Variants in MACF1 observed in about 807,000 individuals in gnomAD.
The protein encoded by MACF1 is microtubule-actin cross-linking factor 1.
In MACF1, 193 loss-of-function variants were observed where a neutral mutation model predicts 854.8. That is an observed-to-expected ratio of 0.23 (90% CI 0.20 to 0.25). MACF1 has a LOEUF of 0.25. Among genes scored for constraint, MACF1 ranks in the 10% least tolerant of loss-of-function variants. The pLI is 1.00. For missense variants in MACF1, 7,722 were observed against 8,929.1 expected (o/e 0.86, Z 5.45); for synonymous variants, 3,185 against 3,226.7 (o/e 0.99, Z 0.44).
At chr1:39,137,224 C>T (rs1452964642) in intron 2 of MACF1, among the ~76,000 whole-genome samples, 1 of 152,172 alleles carries the variant, frequency 6.6e-6, no homozygotes, top group African/African-American at 2.4e-5. Context: ...TGTACACCAC[C>T]ACGCCTGGCT....
At chr1:39,442,360 G>T (rs780443381) in intron 76 of MACF1, 40 bp downstream of exon 76, 1 of 1,604,232 alleles carries the variant, frequency 6.2e-7, no homozygotes, top group Non-Finnish European at 8.5e-7. Flanking sequence ...ACTACTCTCC[G>T]CTCTTTTCTA....
intron 2 of MACF1, among the ~76,000 whole-genome samples, chr1:39,124,637 G>T (rs926287106): frequency 7.9e-5 from 12 of 152,088 alleles, no homozygotes; most frequent in African/African-American, 2.4e-4. Flanking sequence ...GTTTTATAAA[G>T]CTGTATTGTG....
chr1:39,360,015 ATATATATATATATATATATAT>A (rs1648000653), intron 47 of MACF1, among the ~76,000 whole-genome samples: 9 of 31,972 alleles, frequency 2.8e-4, no homozygotes, highest in Non-Finnish European at 3.2e-4. Context: ...AAAAAAAAAT[ATATATATATATATATATATAT>A]ATATATATAT....
chr1:39,411,399 C>G (rs772239924), intron 58 of MACF1: 2 of 1,614,018 alleles, frequency 1.2e-6, no homozygotes, highest in South Asian at 1.1e-5. Context: ...GATCCGATTG[C>G]TTAGCTGCTG....
At chr1:39,162,155 T>C (rs1034770598) in intron 2 of MACF1, among the ~76,000 whole-genome samples, 10 of 151,916 alleles carry the variant, frequency 6.6e-5, no homozygotes, top group Admixed American at 6.6e-4. Flanking sequence ...CATGAGCCAC[T>C]GTGCCTGGCT....
Position 39,300,196 on chromosome 1 carries a change from T to G in MACF1, c.2482-14T>G. 6.2e-7 allele frequency: 1 copy of G among 1,610,744 alleles called. No homozygotes were observed. The highest frequency in any genetic ancestry group is 8.5e-7 in the Non-Finnish European group (1 of 1,178,906). ...CAGCATTAATGTCATTTTGTTTTTCTTATCATTTTGTAGGATGAAAAGGAG... is the reference window on the plus strand; with the variant it reads ...CAGCATTAATGTCATTTTGTTTTTCGTATCATTTTGTAGGATGAAAAGGAG... On this transcript the variant is annotated splice_polypyrimidine_tract_variant and intron_variant, in intron 21 of 100. Transcript: ENST00000564288.
At position 39,484,639 on chromosome 1, in the gene MACF1, A is replaced by G. The variant is rs1478081821; in HGVS notation, c.22320A>G (p.Thr7440=). The change falls in exon 100 of 101, where the codon ACA becomes ACG. Residue 7440 remains threonine (T), a synonymous_variant. Transcript: ENST00000564288. The stretch of plus-strand genomic sequence containing the variant: ...CAGGTAGCAAGTTGAAACGACCAAC[A>G]CCAACTTTTCATTCTAGTCGGACAT... The part of the protein sequence containing the change: ...PSSGSKLKRP[T]PTFHSSRTSL... 2 of 1,613,880 alleles carry G rather than the reference A, an allele frequency of 1.2e-6. No homozygotes were observed. Among genetic ancestry groups the G allele is most frequent in the Non-Finnish European group, 1.7e-6 (2 of 1,179,938 alleles).
At chr1:39,151,697 G>A (rs537235157) in intron 2 of MACF1, among the ~76,000 whole-genome samples, 6 of 152,198 alleles carry the variant, frequency 3.9e-5, no homozygotes, top group Non-Finnish European at 5.9e-5. Flanking sequence ...TAGGCCACTA[G>A]GCTTCCTTTT....
chr1:39,357,968 C>T, intron 45 of MACF1, 75 bp downstream of exon 45: 2 of 1,445,962 alleles, frequency 1.4e-6, no homozygotes, highest in South Asian at 1.4e-5. Flanking sequence ...GTGTCTGGGG[C>T]TCAGAATAAG....
intron 58 of MACF1, among the ~76,000 whole-genome samples, chr1:39,419,009 A>G (rs1211012083): frequency 6.6e-6 from 1 of 152,216 alleles, no homozygotes; most frequent in East Asian, 1.9e-4. Flanking sequence ...AGTACTGCTT[A>G]GTTAATAACA....
At chr1:39,348,220 A>G (rs1274761250) in intron 41 of MACF1, among the ~76,000 whole-genome samples, 1 of 152,168 alleles carries the variant, frequency 6.6e-6, no homozygotes, top group Admixed American at 6.5e-5. Context: ...ACCTTTGAAA[A>G]CTGAGCATGT....
At chr1:39,098,550 C>T (rs905167819) in intron 2 of MACF1, among the ~76,000 whole-genome samples, 1 of 152,234 alleles carries the variant, frequency 6.6e-6, no homozygotes, top group Admixed American at 6.5e-5. Flanking sequence ...AGGCCTTCCA[C>T]GCCCCTTTGG....
chr1:39,264,108 T>C (rs1330677505), intron 6 of MACF1, among the ~76,000 whole-genome samples: 1 of 152,164 alleles, frequency 6.6e-6, no homozygotes, highest in Non-Finnish European at 1.5e-5. Flanking sequence ...ATGTAAGTGG[T>C]GACCCCTGCA....
intron 97 of MACF1, among the ~76,000 whole-genome samples, chr1:39,476,396 C>T (rs1242370059): frequency 6.6e-6 from 1 of 151,978 alleles, no homozygotes; most frequent in Non-Finnish European, 1.5e-5. Flanking sequence ...TGGTGAAACC[C>T]CATCTCTACT....
rs1383928132 is a variant in MACF1 at position 39,335,822 on chromosome 1, T to G, written c.9234T>G (p.Ser3078Arg). The G allele has an allele frequency of 3.1e-6, 5 of 1,613,994 alleles. No homozygotes were observed. The highest frequency in any genetic ancestry group is 4.2e-6 in the Non-Finnish European group (5 of 1,180,016). The change falls in exon 37 of 101, where the codon AGT (serine) becomes AGG (arginine). Residue 3078 changes from serine to arginine, a missense_variant. Physicochemically the swap from Ser to Arg is moderately radical, Grantham distance 110 (BLOSUM62 -1). This residue lies in a region of MACF1 where 854 missense variants were observed against 852.6 expected (regional missense o/e 1.00). Transcript: ENST00000564288. ...QANEGKVNNL[S>R]LCLTLKPEEN... is the part of the protein sequence containing the mutation. ...ATGAAGGAAAAGTAAACAATTTAAGTCTCTGCTTGACTTTAAAACCAGAAG... is the reference window on the plus strand; with the variant it reads ...ATGAAGGAAAAGTAAACAATTTAAGGCTCTGCTTGACTTTAAAACCAGAAG...
chr1:39,254,995 G>C (rs1645081526), intron 5 of MACF1, among the ~76,000 whole-genome samples: 1 of 151,830 alleles, frequency 6.6e-6, no homozygotes. Flanking sequence ...ATGAGGAGGA[G>C]TATTGGTAGT....
chr1:39,326,707 A>C (rs1646621788), intron 35 of MACF1, among the ~76,000 whole-genome samples: 1 of 151,308 alleles, frequency 6.6e-6, no homozygotes, highest in Non-Finnish European at 1.5e-5. Context: ...AAAAAGAGAG[A>C]AGAAAAAGAA....
chr1:39,249,555 A>G lies in MACF1; in HGVS notation c.172-459A>G, dbSNP rs373101413. On this transcript the variant is annotated intron_variant, in intron 2 of 100. Coordinates refer to ENST00000564288, the MANE Select transcript of MACF1 (RefSeq NM_001394062.1). ...ATTCGCTATTAGAAATATTTGGTGT[A>G]AGAGAAGGGTTAAATTGGAAATACA... Among the ~76,000 whole-genome samples, 7 of 152,344 alleles carry G rather than the reference A, an allele frequency of 4.6e-5. No individual in the cohort carries two copies. The East Asian group carries it at 1.2e-3, about 25-fold the overall frequency.
At chr1:39,168,800 C>A (rs583829) in intron 2 of MACF1, among the ~76,000 whole-genome samples, 1 of 151,858 alleles carries the variant, frequency 6.6e-6, no homozygotes, top group African/African-American at 2.4e-5. Context: ...CCTGATTGAT[C>A]GGTTGATCGT....
Sources: allele counts gnomAD v4.1 joint callset (sites outside exome capture counted in the v4.1 genomes callset), GRCh38; gene constraint gnomAD v4.1.1; regional missense constraint gnomAD v4.1.1; transcripts MANE v1.5; gene names NCBI Gene and HGNC (gene_info 2026-07-23, HGNC 2026-07-21).